MCPH1: variants seen among roughly 807,000 people sequenced by gnomAD.
MCPH1 encodes the protein microcephalin.
A neutral mutation model predicts 84.5 loss-of-function variants in MCPH1; 104 were observed. The observed-to-expected ratio is 1.23, with a 90% CI of 1.05 to 1.45. The LOEUF (loss-of-function observed/expected upper bound fraction) is 1.45. Among genes scored for constraint, MCPH1 ranks in the 40% most tolerant of loss-of-function variants. The pLI is 0.00. For missense variants in MCPH1, 1,498 were observed against 1,005.7 expected, an observed-to-expected ratio of 1.49 and a Z score of -6.62; for synonymous variants, 514 against 366.8, an observed-to-expected ratio of 1.40 and a Z score of -4.58.
At chr8:6,614,867 C>T (rs1228920466) in intron 12 of MCPH1, among the ~76,000 whole-genome samples, 2 of 152,116 alleles carry the variant, frequency 1.3e-5, no homozygotes, top group Non-Finnish European at 2.9e-5. Context: ...GAATCTCCCT[C>T]CCTTCCCCAA....
intron 13 of MCPH1, among the ~76,000 whole-genome samples, chr8:6,632,592 A>G (rs528828973): frequency 1.2e-4 from 19 of 152,222 alleles, no homozygotes; most frequent in African/African-American, 2.6e-4. Flanking sequence ...GGCGGATCAC[A>G]AGGTCAGGAG....
At chr8:6,639,493 C>A (rs1202395910) in intron 13 of MCPH1, among the ~76,000 whole-genome samples, 1 of 151,674 alleles carries the variant, frequency 6.6e-6, no homozygotes. Flanking sequence ...AGACCGTGTC[C>A]CTACAAAAAA....
chr8:6,416,293 GT>G (rs1799289178), intron 3 of MCPH1, among the ~76,000 whole-genome samples: 3 of 151,596 alleles, frequency 2.0e-5, no homozygotes, highest in Non-Finnish European at 4.4e-5. Context: ...GTCATGTCAT[GT>G]CATGTCATGT....
chr8:6,575,519 A>G (rs2129576699), intron 12 of MCPH1, among the ~76,000 whole-genome samples: 1 of 152,364 alleles, frequency 6.6e-6, no homozygotes, highest in East Asian at 1.9e-4. Context: ...GTGACTAAAA[A>G]TGAGTAAAAC....
intron 9 of MCPH1, chr8:6,473,969 T>G (rs915377952): frequency 8.4e-7 from 1 of 1,195,832 alleles, no homozygotes; most frequent in African/African-American, 1.5e-5. Flanking sequence ...TGCCGTGGCT[T>G]CTTCATAAAG....
At chr8:6,495,183 A>G (rs949534286) in intron 11 of MCPH1, among the ~76,000 whole-genome samples, 33 of 152,354 alleles carry the variant, frequency 2.2e-4, no homozygotes, top group African/African-American at 7.7e-4. Context: ...GTTGTTAAAA[A>G]TTATACTATT....
chr8:6,533,132 T>C (rs371651479), intron 12 of MCPH1, among the ~76,000 whole-genome samples: 2 of 152,354 alleles, frequency 1.3e-5, no homozygotes, highest in Admixed American at 6.5e-5. Flanking sequence ...TCATTTCATG[T>C]ATCAAGCAAA....
chr8:6,471,566 G>A (rs776508665), intron 9 of MCPH1, among the ~76,000 whole-genome samples: 1 of 152,146 alleles, frequency 6.6e-6, no homozygotes, highest in Non-Finnish European at 1.5e-5. Flanking sequence ...AGAATATAGA[G>A]TGTTAAAATA....
At chr8:6,423,542 A>C (rs1800584519) in intron 3 of MCPH1, among the ~76,000 whole-genome samples, 1 of 152,184 alleles carries the variant, frequency 6.6e-6, no homozygotes, top group African/African-American at 2.4e-5. Context: ...TATATATATA[A>C]GAATATTTTG....
chr8:6,529,198 G>C (rs973892518), intron 12 of MCPH1, among the ~76,000 whole-genome samples: 1 of 152,172 alleles, frequency 6.6e-6, no homozygotes, highest in Admixed American at 6.5e-5. Flanking sequence ...TCCATCTGCA[G>C]GGGACTGTAA....
chr8:6,513,511 T>C (rs1815615871), intron 12 of MCPH1, among the ~76,000 whole-genome samples: 1 of 152,108 alleles, frequency 6.6e-6, no homozygotes, highest in African/African-American at 2.4e-5. Flanking sequence ...TTTTTTGTAC[T>C]TCTAGTAGAG....
intron 8 of MCPH1, chr8:6,446,020 A>T: frequency 1.0e-6 from 1 of 979,176 alleles, no homozygotes; most frequent in South Asian, 4.7e-5. Context: ...ACTTTTAGAA[A>T]TCTGTTGTCA....
intron 12 of MCPH1, chr8:6,616,665 C>G (rs2129580025): frequency 6.6e-6 from 1 of 152,376 alleles, no homozygotes; most frequent in Non-Finnish European, 1.5e-5. Context: ...ACTGCCTCCT[C>G]AACTACATGT....
intron 13 of MCPH1, chr8:6,627,012 C>T (rs1235278645): frequency 3.0e-6 from 3 of 984,886 alleles, no homozygotes; most frequent in Non-Finnish European, 3.6e-6. Flanking sequence ...TAGCCTCCGC[C>T]TGATTTTCTT....
At chr8:6,618,696 T>A (rs952058189) in intron 12 of MCPH1, 2 of 152,072 alleles carry the variant, frequency 1.3e-5, no homozygotes, top group Admixed American at 6.5e-5. Flanking sequence ...CAAAAATAGG[T>A]GGATTATTTA....
At chr8:6,603,867 G>A (rs777528083) in intron 12 of MCPH1, among the ~76,000 whole-genome samples, 7 of 152,286 alleles carry the variant, frequency 4.6e-5, no homozygotes, top group East Asian at 1.9e-4. Context: ...TAAGGGACCC[G>A]ATTCCCAAGA....
At chr8:6,642,367 T>C (rs1797990620) in intron 13 of MCPH1, among the ~76,000 whole-genome samples, 1 of 152,174 alleles carries the variant, frequency 6.6e-6, no homozygotes, top group Non-Finnish European at 1.5e-5. Context: ...GTGCTGACCC[T>C]TCAGCAGCAC....
chr8:6,480,965 G>C, intron 11 of MCPH1, 89 bp downstream of exon 11: 20 of 1,441,752 alleles, frequency 1.4e-5, no homozygotes, highest in Non-Finnish European at 1.9e-5. Context: ...CACTCAGGCC[G>C]GCGTGCACCC....
At chr8:6,546,919 G>A (rs1822687436) in intron 12 of MCPH1, among the ~76,000 whole-genome samples, 1 of 152,168 alleles carries the variant, frequency 6.6e-6, no homozygotes, top group African/African-American at 2.4e-5. Context: ...CCTAACTTCT[G>A]AAATCACTAG....
Sources: allele counts gnomAD v4.1 joint callset (sites outside exome capture counted in the v4.1 genomes callset), GRCh38; gene constraint gnomAD v4.1.1; transcripts MANE v1.5; gene names NCBI Gene and HGNC (gene_info 2026-07-23, HGNC 2026-07-21).